Variants in SCN8A observed in about 807,000 individuals in gnomAD.
The protein encoded by SCN8A is sodium channel protein type 8 subunit alpha.
In SCN8A, 30 loss-of-function variants were observed where a neutral mutation model predicts 184.1. The ratio of observed to expected loss-of-function variants is 0.16; its 90% CI spans 0.12 to 0.22. The LOEUF is 0.22. SCN8A is among the 10% of genes least tolerant of loss of function. The pLI is 1.00. For synonymous variants in SCN8A, 852 were observed against 907.0 expected (o/e 0.94, Z 1.09); for missense variants, 1,057 against 2,498.9 (o/e 0.42, Z 12.30).
intron 4 of SCN8A, among the ~76,000 whole-genome samples, chr12:51,686,864 A>G (rs1201820127): frequency 1.3e-5 from 2 of 152,142 alleles, no homozygotes; most frequent in African/African-American, 4.8e-5. Context: ...TCCTTGGAAT[A>G]CAGTTCAGGA....
At position 51,811,966 on chromosome 12, in the gene SCN8A, T is replaced by TA. The variant is rs1213331036; in HGVS notation, c.*4540dup. ...TCATTTTCAGGTACTCCCCACCCCC[T>TA]AAAGAATTGGCTGCAACTTGCCAGC... On this transcript the variant is annotated 3_prime_UTR_variant, in exon 27 of 27. Coordinates refer to ENST00000627620, the MANE Select transcript of SCN8A (RefSeq NM_001330260.2). 1 of 152,126 alleles carries TA rather than the reference T, an allele frequency of 6.6e-6. No individual in the cohort carries two copies. Among genetic ancestry groups the TA allele is most frequent in the Admixed American group, 6.5e-5 (1 of 15,272 alleles). The allele number at this position is 152,126 out of a possible 1,614,324, so 9.4% of individuals were successfully genotyped here.
intron 1 of SCN8A, among the ~76,000 whole-genome samples, chr12:51,606,868 AAG>A (rs1939604619): frequency 6.7e-6 from 1 of 150,234 alleles, no homozygotes; most frequent in African/African-American, 2.4e-5. Flanking sequence ...TGGCTATTGT[AAG>A]AGGGGTTGAG....
At chr12:51,790,118 A>C (rs950968132) in intron 24 of SCN8A, among the ~76,000 whole-genome samples, 2 of 152,260 alleles carry the variant, frequency 1.3e-5, no homozygotes, top group African/African-American at 4.8e-5. Context: ...CTTCAGAGTC[A>C]CTGCTCTCAA....
intron 24 of SCN8A, among the ~76,000 whole-genome samples, chr12:51,789,761 G>C (rs146204807): frequency 3.3e-5 from 5 of 152,230 alleles, no homozygotes; most frequent in Non-Finnish European, 5.9e-5. Flanking sequence ...AGTAGAAACT[G>C]TCTAGACTTG....
intron 14 of SCN8A, among the ~76,000 whole-genome samples, chr12:51,751,906 T>A (rs1392914276): frequency 2.0e-5 from 3 of 152,180 alleles, no homozygotes; most frequent in African/African-American, 7.2e-5. Flanking sequence ...GTTTTTTTCC[T>A]CATTCTGTTT....
chr12:51,596,458 T>C (rs1455922338), intron 1 of SCN8A, among the ~76,000 whole-genome samples: 4 of 152,228 alleles, frequency 2.6e-5, no homozygotes, highest in Non-Finnish European at 5.9e-5. Context: ...GGTCGACTCA[T>C]GTTTAGTGAC....
Position 51,807,205 on chromosome 12 carries a change from C to T in SCN8A, c.5719C>T (p.Arg1907Trp), listed in dbSNP as rs760444517. The T allele has an allele frequency of 3.5e-5, 57 of 1,613,740 alleles. No individual in the cohort carries two copies. Among genetic ancestry groups the T allele is most frequent in the Non-Finnish European group, 4.6e-5 (54 of 1,179,888 alleles). ...TGCAGTGGTCCTGCAGCGTGCCTAC[C>T]GGGGACATTTGGCAAGGCGGGGCTT... ...VSAVVLQRAY[R>W]GHLARRGFIC... The change falls in exon 27 of 27, where the codon CGG (arginine) becomes TGG (tryptophan). Residue 1907 changes from arginine to tryptophan, a missense_variant. Physicochemically the swap from Arg to Trp is moderately radical, Grantham distance 101. This residue lies in a region of SCN8A where 95 missense variants were observed against 140.2 expected (regional missense o/e 0.68). Transcript: ENST00000627620. This position sits in a 1 kb window ranked among gnomAD's most constrained non-coding sequence, Gnocchi z 4.5.
intron 11 of SCN8A, among the ~76,000 whole-genome samples, chr12:51,710,921 C>T (rs1941864652): frequency 6.6e-6 from 1 of 152,166 alleles, no homozygotes; most frequent in Admixed American, 6.5e-5. Flanking sequence ...ATGCTCATAT[C>T]CTCTTCTCTC....
chr12:51,737,355 C>G (rs1942343625), intron 12 of SCN8A, among the ~76,000 whole-genome samples: 2 of 152,154 alleles, frequency 1.3e-5, no homozygotes, highest in African/African-American at 4.8e-5. Context: ...AGGGTCTTCT[C>G]TGGATCTGTT....
chr12:51,768,155 C>T (rs1389928852), intron 16 of SCN8A: 1 of 152,082 alleles, frequency 6.6e-6, no homozygotes. Context: ...AAGTGAGCAC[C>T]TCTCCCACTC....
In SCN8A at chr12:51,684,166, C is replaced by T. The variant is rs749517144; in HGVS notation, c.277-8C>T. 1.5e-6 allele frequency: 2 copies of T among 1,338,346 alleles called. No homozygotes were observed. The highest frequency in any genetic ancestry group is 1.4e-5 in the African/African-American group (1 of 69,588). The allele number at this position is 1,338,346 out of a possible 1,614,324, so 82.9% of individuals were successfully genotyped here. A position where few individuals can be genotyped will look rare whatever the true frequency, so the allele number is the denominator to read the frequency against. On this transcript the variant is annotated splice_region_variant and splice_polypyrimidine_tract_variant and intron_variant, in intron 2 of 26. Transcript: ENST00000627620. Reference sequence around the variant, plus strand: ...TTTAATAATTTCTCTCTCTTTCTTTCTCCACAGACCTTTGTAGTATTAAAC... The same window carrying T: ...TTTAATAATTTCTCTCTCTTTCTTTTTCCACAGACCTTTGTAGTATTAAAC...
At chr12:51,665,051 A>G (rs1248011612) in intron 2 of SCN8A, among the ~76,000 whole-genome samples, 1 of 152,226 alleles carries the variant, frequency 6.6e-6, no homozygotes, top group Non-Finnish European at 1.5e-5. Context: ...GTCCCTGCAA[A>G]GGACATGATC....
rs755729617 is a variant in SCN8A at position 51,721,918 on chromosome 12, G to C, written c.1998+10G>C. ...GCGTCTCCTGCCAGAGGTGAAAATT[G>C]ATAAGGCAGCTACCGATGACAGTGT... On this transcript the variant is annotated intron_variant, in intron 12 of 26. Transcript: ENST00000627620. The C allele has an allele frequency of 6.9e-6, 11 of 1,599,690 alleles. No homozygotes were observed. In the Admixed American group the frequency reaches 1.2e-4, roughly 17 times the overall value.
chr12:51,611,008 G>A (rs1429676800), intron 1 of SCN8A, among the ~76,000 whole-genome samples: 1 of 152,108 alleles, frequency 6.6e-6, no homozygotes, highest in African/African-American at 2.4e-5. Context: ...CTGGCATTTT[G>A]ATTGGAACTG....
At chr12:51,607,891 T>G (rs1484779188) in intron 1 of SCN8A, among the ~76,000 whole-genome samples, 1 of 152,200 alleles carries the variant, frequency 6.6e-6, no homozygotes, top group East Asian at 1.9e-4. Flanking sequence ...TAGTTTTCTT[T>G]TTTGGTTATG....
At chr12:51,666,635 C>T (rs1465101446) in intron 2 of SCN8A, among the ~76,000 whole-genome samples, 9 of 152,182 alleles carry the variant, frequency 5.9e-5, no homozygotes. Context: ...ATCTTTTCCT[C>T]ATAGGTCTCA....
At chr12:51,655,781 C>G (rs542205085) in intron 1 of SCN8A, among the ~76,000 whole-genome samples, 1 of 152,278 alleles carries the variant, frequency 6.6e-6, no homozygotes, top group South Asian at 2.1e-4. Flanking sequence ...CTGCCAGAGC[C>G]AAAAGTTGCT....
chr12:51,647,842 A>G (rs1940625093), intron 1 of SCN8A, among the ~76,000 whole-genome samples: 3 of 152,190 alleles, frequency 2.0e-5, no homozygotes, highest in Admixed American at 1.3e-4. Flanking sequence ...TCCTATGATA[A>G]GAGCCACCCA....
In SCN8A at chr12:51,721,601, G is replaced by A. The variant is rs1592405696; in HGVS notation, c.1691G>A (p.Ser564Asn). 6.2e-7 allele frequency: 1 copy of A among 1,613,294 alleles called. No homozygotes were observed. Among genetic ancestry groups the A allele is most frequent in the Non-Finnish European group, 8.5e-7 (1 of 1,179,600 alleles). Residue 564 changes from serine (S) to asparagine (N), a missense_variant, in exon 12 of 27, where the codon AGC (serine) becomes AAC (asparagine). This residue lies in a region of SCN8A where 322 missense variants were observed against 390.1 expected (regional missense o/e 0.83). Transcript: ENST00000627620. ...PFLSRHNSKS[S>N]IFSFRGPGRF... The stretch of plus-strand genomic sequence containing the variant: ...CTCTCCCGCCACAACAGCAAGAGCA[G>A]CATCTTCAGTTTCAGGGGACCTGGG...
Sources: gnomAD v4.1 joint callset for allele counts (sites outside exome capture counted in the v4.1 genomes callset) on GRCh38, gnomAD v4.1.1 for gene constraint, gnomAD v4.1.1 regional missense constraint, Gnocchi (gnomAD v3.1) non-coding constraint, MANE v1.5 for transcripts, NCBI Gene and HGNC (gene_info 2026-07-23, HGNC 2026-07-21) for gene names.